Variants in SZT2 observed in about 807,000 individuals in gnomAD.
SZT2 encodes SZT2 subunit of KICSTOR complex, also known as KICSTOR complex protein SZT2.
SZT2 carries 216 observed loss-of-function variants against 404.2 expected under a neutral mutation model. That is an observed-to-expected ratio of 0.53 (90% CI 0.48 to 0.60). The LOEUF is 0.60. Among genes scored for constraint, SZT2 ranks in the 20% least tolerant of loss-of-function variants. SZT2 has a pLI of 0.00. For synonymous variants in SZT2, 1,693 were observed against 1,749.9 expected (o/e 0.97, Z 0.81); for missense variants, 3,857 against 4,459.2 (o/e 0.86, Z 3.85).
Position 43,444,263 on chromosome 1 carries a change from A to AT in SZT2, c.8825+473dup, listed in dbSNP as rs1174183930. Among the ~76,000 whole-genome samples the AT allele has an allele frequency of 5.3e-5, 8 of 151,898 alleles. No homozygotes were observed. In the East Asian group the frequency reaches 1.6e-3, roughly 29 times the overall value. On this transcript the variant is annotated intron_variant, in intron 62 of 71. Transcript: ENST00000634258. ...AGGTGCACGCCACCCTGCTTGGCTA[A>AT]TTTTTTGTATTTTAGTAGAGATGGG...
intron 1 of SZT2, among the ~76,000 whole-genome samples, chr1:43,393,425 T>G (rs1648642294): frequency 6.6e-6 from 1 of 152,204 alleles, no homozygotes; most frequent in Non-Finnish European, 1.5e-5. Flanking sequence ...CTGCCAAAAC[T>G]ATATAGTTAA....
Position 43,434,368 on chromosome 1 carries a change from A to T in SZT2, c.5805-18A>T. On this transcript the variant is annotated intron_variant, in intron 40 of 71. Transcript: ENST00000634258. ...TCCTCCCCACTGCAGTTCTGGTCAGATTATCCTTCCTTCCCAGGAGCCTGA... is the reference window on the plus strand; with the variant it reads ...TCCTCCCCACTGCAGTTCTGGTCAGTTTATCCTTCCTTCCCAGGAGCCTGA... The T allele has an allele frequency of 1.9e-6, 3 of 1,578,798 alleles. No homozygotes were observed. The highest frequency in any genetic ancestry group is 2.6e-6 in the Non-Finnish European group (3 of 1,162,660).
intron 1 of SZT2, among the ~76,000 whole-genome samples, chr1:43,401,534 T>G (rs1042681049): frequency 5.9e-5 from 9 of 152,154 alleles, no homozygotes; most frequent in African/African-American, 2.2e-4. Context: ...TCGCCCAGGA[T>G]GGAGTGCAGT....
At chr1:43,410,539 A>G (rs541511673) in intron 4 of SZT2, 1 of 131,490 alleles carries the variant, frequency 7.6e-6, no homozygotes, top group African/African-American at 2.8e-5. Context: ...TGGCCGACAG[A>G]GTAAGACTCT....
chr1:43,406,795 C>G (rs1212751683), intron 4 of SZT2: 2 of 152,218 alleles, frequency 1.3e-5, no homozygotes, highest in Non-Finnish European at 2.9e-5. Flanking sequence ...CTTAACCTTT[C>G]TGTGCATCTG....
chr1:43,443,309 C>A, intron 60 of SZT2, 42 bp downstream of exon 60: 1 of 1,614,156 alleles, frequency 6.2e-7, no homozygotes, highest in Non-Finnish European at 8.5e-7. Context: ...TATCTGTGAT[C>A]CTGCCCCGTC....
chr1:43,401,088 A>G (rs1192726714), intron 1 of SZT2, among the ~76,000 whole-genome samples: 1 of 151,904 alleles, frequency 6.6e-6, no homozygotes, highest in East Asian at 1.9e-4. Context: ...CGCCTGGCTA[A>G]TTTTTGTGTT....
Position 43,441,066 on chromosome 1 carries a change from G to A in SZT2, c.7345-148G>A, listed in dbSNP as rs1201449724. 5 of 978,732 alleles carry A rather than the reference G, an allele frequency of 5.1e-6. No homozygotes were observed. The highest frequency in any genetic ancestry group is 7.6e-6 in the Non-Finnish European group (5 of 655,284). 60.6% of individuals were successfully genotyped at this position (978,732 alleles called of 1,614,324 possible). A position where few individuals can be genotyped will look rare whatever the true frequency, so the allele number is the denominator to read the frequency against. On this transcript the variant is annotated intron_variant, in intron 52 of 71. Coordinates refer to ENST00000634258, the MANE Select transcript of SZT2 (RefSeq NM_001365999.1). The surrounding 1 kb of genome is among the most constrained non-coding windows in gnomAD (Gnocchi z 4.8). ...GAGGCTCAGGAAAGTTAGGTAACCT[G>A]CCCAAGGCTCCTTAGCCAGCCCCTG...
intron 4 of SZT2, chr1:43,412,042 T>G (rs1651118434): frequency 6.6e-6 from 1 of 152,220 alleles, no homozygotes; most frequent in African/African-American, 2.4e-5. Flanking sequence ...CCTCCCAAAG[T>G]GCTGGGATTA....
chr1:43,448,590 AG>A lies in SZT2; in HGVS notation c.9970-20del. 1 of 1,614,028 alleles carries A rather than the reference AG, an allele frequency of 6.2e-7. No individual in the cohort carries two copies. On this transcript the variant is annotated intron_variant, in intron 69 of 71. Coordinates refer to ENST00000634258, the MANE Select transcript of SZT2 (RefSeq NM_001365999.1). The surrounding 1 kb of genome is among the most constrained non-coding windows in gnomAD (Gnocchi z 4.2). ...CTGAGGTGACTGGCACAGAAGACTC[AG>A]GCCTGTGGCTCCTCCCTCAGGACTG...
In SZT2 at chr1:43,427,365, C is replaced by T; in HGVS notation, c.3518C>T (p.Pro1173Leu). The T allele has an allele frequency of 6.2e-7, 1 of 1,614,078 alleles. No individual in the cohort carries two copies. Among genetic ancestry groups the T allele is most frequent in the Non-Finnish European group, 8.5e-7 (1 of 1,179,996 alleles). The change falls in exon 25 of 72, where the codon CCC (proline) becomes CTC (leucine). Residue 1173 changes from proline to leucine, a missense_variant. Around this residue, in one of 7 missense-constraint regions of SZT2, gnomAD observed 1,725 missense variants for 1,881.0 expected, o/e 0.92. Transcript: ENST00000634258. ...AAGTTTGGGGATTGGAGTGGGGCTC[C>T]CAGTCTGAAAGATCTAGGAGGAACT... ...KPKFGDWSGA[P>L]SLKDLGGTGI...
chr1:43,451,424 T>C lies in SZT2; in HGVS notation c.*944T>C. 6.2e-7 allele frequency: 1 copy of C among 1,613,154 alleles called. No homozygotes were observed. The highest frequency in any genetic ancestry group is 8.5e-7 in the Non-Finnish European group (1 of 1,179,910). Reference sequence around the variant, plus strand: ...CCACGCCTCACCTCGAGGCTGATACTCACAGCCCACGAAGCCTTTGTAGCC... The same window carrying C: ...CCACGCCTCACCTCGAGGCTGATACCCACAGCCCACGAAGCCTTTGTAGCC... On this transcript the variant is annotated 3_prime_UTR_variant, in exon 72 of 72. Transcript: ENST00000634258.
intron 62 of SZT2, among the ~76,000 whole-genome samples, chr1:43,444,884 A>G (rs911984956): frequency 2.0e-5 from 3 of 152,172 alleles, no homozygotes; most frequent in Non-Finnish European, 4.4e-5. Context: ...GTTTTCAGTT[A>G]GAACCTTTTC....
chr1:43,453,609 A>G lies in SZT2; in HGVS notation c.*3129A>G. 2 of 1,524,602 alleles carry G rather than the reference A, an allele frequency of 1.3e-6. No individual in the cohort carries two copies. The highest frequency in any genetic ancestry group is 1.8e-6 in the Non-Finnish European group (2 of 1,135,290). 94.4% of individuals were successfully genotyped at this position (1,524,602 alleles called of 1,614,324 possible). A position where few individuals can be genotyped will look rare whatever the true frequency, so the allele number is the denominator to read the frequency against. On this transcript the variant is annotated 3_prime_UTR_variant, in exon 72 of 72. Transcript: ENST00000634258. Reference sequence around the variant, plus strand: ...CCGCGACGCACCCGGGGGCGTGTTGATCAGTACAAGCCGCAGCCCCGCTTC... The same window carrying G: ...CCGCGACGCACCCGGGGGCGTGTTGGTCAGTACAAGCCGCAGCCCCGCTTC...
Position 43,451,003 on chromosome 1 carries a change from C to T in SZT2, c.*523C>T, listed in dbSNP as rs752673347. On this transcript the variant is annotated 3_prime_UTR_variant, in exon 72 of 72. Coordinates refer to ENST00000634258, the MANE Select transcript of SZT2 (RefSeq NM_001365999.1). ...CGTCAAGTCCCTTTGCTCTCGGACC[C>T]TGGGTTTCTCATCCTTTAATGAGGT... 31 of 767,484 alleles carry T rather than the reference C, an allele frequency of 4.0e-5. No homozygotes were observed. Among genetic ancestry groups the T allele is most frequent in the Admixed American group, 6.8e-5 (4 of 59,008 alleles). 47.5% of individuals were successfully genotyped at this position (767,484 alleles called of 1,614,324 possible).
In SZT2 at chr1:43,442,861, C is replaced by T; in HGVS notation, c.8194C>T (p.Leu2732Phe). 6.2e-7 allele frequency: 1 copy of T among 1,612,584 alleles called. No individual in the cohort carries two copies. The highest frequency in any genetic ancestry group is 1.1e-5 in the South Asian group (1 of 90,838). ...GCTGCCGACCATGGAAGTGGAGACC[C>T]TCATCCGGAGTGCAAGTCCCCCGCT... ...FLLPTMEVETLIRSASPPLSR... is the reference protein window; with the variant it reads ...FLLPTMEVETFIRSASPPLSR... Residue 2732 changes from leucine (L) to phenylalanine (F), a missense_variant, in exon 59 of 72, where the codon CTC (leucine) becomes TTC (phenylalanine). By Grantham distance (22) the Leu-to-Phe change is conservative (BLOSUM62 0). This residue lies in a region of SZT2 where 573 missense variants were observed against 592.4 expected (regional missense o/e 0.97). Transcript: ENST00000634258. The surrounding 1 kb of genome is among the most constrained non-coding windows in gnomAD (Gnocchi z 4.5).
rs774918871 is a variant in SZT2 at position 43,425,851 on chromosome 1, C to T, written c.2831C>T (p.Ala944Val). 6.2e-7 allele frequency: 1 copy of T among 1,613,998 alleles called. No individual in the cohort carries two copies. The highest frequency in any genetic ancestry group is 1.7e-5 in the Admixed American group (1 of 60,024). The change falls in exon 20 of 72, where the codon GCT becomes GTT. Residue 944 changes from alanine (A) to valine (V), a missense_variant. This residue lies in a region of SZT2 where 1,725 missense variants were observed against 1,881.0 expected (regional missense o/e 0.92). Transcript: ENST00000634258. The surrounding 1 kb of genome is among the most constrained non-coding windows in gnomAD (Gnocchi z 4.3). ...TTCCTGTAGCTCCACCCACGGGATGCTGCCTGCATAGGCTCCATGCTGAGC... is the reference window on the plus strand; with the variant it reads ...TTCCTGTAGCTCCACCCACGGGATGTTGCCTGCATAGGCTCCATGCTGAGC... Reference protein sequence around the residue: ...EIPQALHPRDAACIGSMLSFE... With the variant: ...EIPQALHPRDVACIGSMLSFE...
chr1:43,449,582 T>G, intron 70 of SZT2: 1 of 166,690 alleles, frequency 6.0e-6, no homozygotes, highest in Non-Finnish European at 1.3e-5. Context: ...GAGTCTGGGG[T>G]CCATAGGCCC....
Position 43,427,727 on chromosome 1 carries a change from A to G in SZT2, c.3796A>G (p.Ile1266Val), listed in dbSNP as rs200056579. ...GCCCCCTCAGGCGCCCCGAGACCTC[A>G]TCTTCCGGTGAGTGCCTTCAGTGTT... ...MQPPQAPRDL[I>V]FRTQFLDHPS... The change falls in exon 26 of 72, where the codon ATC (isoleucine) becomes GTC (valine). Residue 1266 changes from isoleucine (I) to valine (V), a missense_variant. Physicochemically the swap from Ile to Val is conservative, Grantham distance 29. Coordinates refer to ENST00000634258, the MANE Select transcript of SZT2 (RefSeq NM_001365999.1). 10 of 1,613,230 alleles carry G rather than the reference A, an allele frequency of 6.2e-6. No homozygotes were observed. The East Asian group carries it at 1.1e-4, about 18-fold the overall frequency.
Sources: allele counts gnomAD v4.1 joint callset (sites outside exome capture counted in the v4.1 genomes callset), GRCh38; gene constraint gnomAD v4.1.1; regional missense constraint gnomAD v4.1.1; non-coding constraint Gnocchi (gnomAD v3.1); transcripts MANE v1.5; gene names NCBI Gene and HGNC (gene_info 2026-07-23, HGNC 2026-07-21).